Variants in KLF12 observed in about 807,000 individuals in gnomAD.
KLF12 encodes the protein KLF transcription factor 12.
Under a neutral mutation model 37.8 loss-of-function variants are expected in KLF12, and 9 were observed. That is an observed-to-expected ratio of 0.24 (90% confidence interval 0.14 to 0.42). The LOEUF is 0.42. KLF12 is among the 10% of genes least tolerant of loss of function. KLF12 has a pLI of 1.00. For missense variants in KLF12, 411 were observed against 516.0 expected, an observed-to-expected ratio of 0.80 and a Z score of 1.97; for synonymous variants, 208 against 202.1, an observed-to-expected ratio of 1.03 and a Z score of -0.25.
At chr13:73,992,128 A>T (rs758244731) in intron 2 of KLF12, among the ~76,000 whole-genome samples, 1 of 152,206 alleles carries the variant, frequency 6.6e-6, no homozygotes, top group Non-Finnish European at 1.5e-5. Flanking sequence ...TGTTCTGAAC[A>T]CCTGCTCTAA....
chr13:74,181,701 G>GA, the KLF12 span, among the ~76,000 whole-genome samples: 45 of 64,456 alleles, frequency 7.0e-4, no homozygotes, highest in Non-Finnish European at 8.3e-4. Flanking sequence ...GATTCTGTCT[G>GA]AAAAAAAAAA....
At chr13:73,701,665 A>C (rs1012120258) in intron 7 of KLF12, among the ~76,000 whole-genome samples, 4 of 152,186 alleles carry the variant, frequency 2.6e-5, no homozygotes, top group Admixed American at 2.6e-4. Context: ...TTGAGACATT[A>C]CATTTTTGAT....
At chr13:74,203,929 A>G in the KLF12 span, among the ~76,000 whole-genome samples, 25 of 152,154 alleles carry the variant, frequency 1.6e-4, no homozygotes, top group Non-Finnish European at 3.2e-4. Context: ...CAAAGCCTGA[A>G]TGATTGGATG....
the KLF12 span, among the ~76,000 whole-genome samples, chr13:74,175,253 T>C: frequency 2.6e-5 from 4 of 152,222 alleles, no homozygotes; most frequent in African/African-American, 7.2e-5. Flanking sequence ...AAAATGAGGA[T>C]ATGGCATTTG....
At chr13:73,970,650 A>G (rs1232832496) in intron 2 of KLF12, among the ~76,000 whole-genome samples, 2 of 152,202 alleles carry the variant, frequency 1.3e-5, no homozygotes, top group African/African-American at 4.8e-5. Flanking sequence ...CCAGCTCCAC[A>G]TATACACACC....
At chr13:73,930,860 A>ATTTTTT (rs11432866) in intron 3 of KLF12, among the ~76,000 whole-genome samples, 18 of 109,468 alleles carry the variant, frequency 1.6e-4, no homozygotes, top group East Asian at 5.4e-4. Context: ...AACTGGAAAC[A>ATTTTTT]TTTTTTTTTT....
In KLF12 at chr13:73,983,216, G is replaced by C. The variant is rs140303949; in HGVS notation, c.33+11774C>G. Among the ~76,000 whole-genome samples, 490 of 152,250 alleles carry C rather than the reference G, an allele frequency of 3.2e-3. 2 individuals are homozygous for C. Among genetic ancestry groups the C allele is most frequent in the African/African-American group, 0.011 (460 of 41,534 alleles). ...CTAGTCCTGTACTATGGCTCAACCAGAACGCCAGGCAACCAACCCTGGCAC... is the reference window on the plus strand; with the variant it reads ...CTAGTCCTGTACTATGGCTCAACCACAACGCCAGGCAACCAACCCTGGCAC... On this transcript the variant is annotated intron_variant, in intron 2 of 7. Transcript: ENST00000377669.
Position 73,933,697 on chromosome 13 carries a change from T to G in KLF12, c.123+10284A>C, listed in dbSNP as rs368484249. Among the ~76,000 whole-genome samples the G allele has an allele frequency of 5.9e-5, 9 of 152,192 alleles. No individual in the cohort carries two copies. In the East Asian group the frequency reaches 9.6e-4, roughly 16 times the overall value. On this transcript the variant is annotated intron_variant, in intron 3 of 7. Transcript: ENST00000377669. The stretch of plus-strand genomic sequence containing the variant: ...GTTGCTGCTATAACAAACAGATTTC[T>G]TAAAAATCACTGCCCCTTTGAACTA...
At chr13:74,258,517 A>T in the KLF12 span, 1 of 152,238 alleles carries the variant, frequency 6.6e-6, no homozygotes, top group Non-Finnish European at 1.5e-5. Context: ...TCAATAATGT[A>T]AAACACTAAA....
intron 3 of KLF12, among the ~76,000 whole-genome samples, chr13:73,863,127 T>C (rs936503495): frequency 6.6e-6 from 1 of 152,170 alleles, no homozygotes; most frequent in Admixed American, 6.6e-5. Context: ...TTAAAATTCA[T>C]TTGTATTTCT....
intron 4 of KLF12, among the ~76,000 whole-genome samples, chr13:73,836,940 G>A (rs1191496840): frequency 6.6e-6 from 1 of 152,050 alleles, no homozygotes; most frequent in Non-Finnish European, 1.5e-5. Context: ...TAGTGTGCCA[G>A]GTTACCTTAT....
At chr13:73,839,201 T>C (rs1486393857) in intron 4 of KLF12, among the ~76,000 whole-genome samples, 2 of 151,042 alleles carry the variant, frequency 1.3e-5, no homozygotes, top group Non-Finnish European at 2.9e-5. Context: ...CAAGTGATCC[T>C]CCCATCTCAG....
At chr13:73,872,031 G>C (rs570906425) in intron 3 of KLF12, among the ~76,000 whole-genome samples, 1 of 152,106 alleles carries the variant, frequency 6.6e-6, no homozygotes, top group Non-Finnish European at 1.5e-5. Context: ...GAATCAAAGC[G>C]GGATTTCCTA....
intron 5 of KLF12, among the ~76,000 whole-genome samples, chr13:73,798,118 C>T (rs1239919488): frequency 6.6e-6 from 1 of 152,174 alleles, no homozygotes; most frequent in Non-Finnish European, 1.5e-5. Flanking sequence ...ACCAATGCTA[C>T]ATCTCTTACC....
intron 5 of KLF12, among the ~76,000 whole-genome samples, chr13:73,766,005 A>G (rs1171388376): frequency 6.6e-6 from 1 of 152,242 alleles, no homozygotes; most frequent in Non-Finnish European, 1.5e-5. Context: ...ATGCAGTTCC[A>G]GCCCCGCCTA....
intron 1 of KLF12, among the ~76,000 whole-genome samples, chr13:74,004,110 T>C (rs938264178): frequency 5.9e-5 from 9 of 152,164 alleles, no homozygotes; most frequent in South Asian, 2.1e-4. Context: ...ACCAGGTTTT[T>C]TAAAGAATCC....
chr13:73,914,589 T>C (rs985390250), intron 3 of KLF12, among the ~76,000 whole-genome samples: 3 of 152,152 alleles, frequency 2.0e-5, no homozygotes, highest in African/African-American at 7.2e-5. Context: ...TGAAGCAAAT[T>C]TAAACAAGGT....
chr13:74,127,031 G>A lies in KLF12; in HGVS notation c.-32+6708C>T, dbSNP rs1326058190. 2.0e-5 allele frequency among the ~76,000 whole-genome samples: 3 copies of A among 152,150 alleles called. No individual in the cohort carries two copies. The East Asian group carries it at 5.8e-4, about 29-fold the overall frequency. On this transcript the variant is annotated intron_variant, in intron 1 of 7. Coordinates refer to ENST00000377669, the MANE Select transcript of KLF12 (RefSeq NM_007249.5). ...TGTTTGTTGTTACTGTTGTTTTAGA[G>A]ACAGGGTTTTCAAGGCTGGAGTGCA...
intron 2 of KLF12, among the ~76,000 whole-genome samples, chr13:73,947,629 C>A (rs1004867514): frequency 4.9e-5 from 6 of 121,330 alleles, no homozygotes; most frequent in Admixed American, 1.1e-4. Flanking sequence ...CCAGCCTGAG[C>A]GACAGAGGGA....
Sources: allele counts gnomAD v4.1 joint callset (sites outside exome capture counted in the v4.1 genomes callset), GRCh38; gene constraint gnomAD v4.1.1; transcripts MANE v1.5; gene names NCBI Gene and HGNC (gene_info 2026-07-23, HGNC 2026-07-21).